The following UBE2F variants were observed in gnomAD, a reference collection of about 807,000 sequenced individuals.
UBE2F encodes ubiquitin conjugating enzyme E2 F (putative).
In UBE2F, 5 loss-of-function variants were observed where a neutral mutation model predicts 29.6. The observed-to-expected ratio is 0.17, with a 90% confidence interval of 0.09 to 0.36. The LOEUF is 0.36. Ranked by LOEUF, UBE2F falls within the 10% of genes least tolerant of loss-of-function variation. The probability of loss-of-function intolerance (pLI) is 1.00; values close to 1 mark genes in which losing one functional copy is unlikely to be tolerated. For missense variants in UBE2F, 141 were observed against 228.5 expected (o/e 0.62, Z 2.47); for synonymous variants, 66 against 81.8 (o/e 0.81, Z 1.04).
intron 3 of UBE2F, among the ~76,000 whole-genome samples, chr2:237,993,959 A>T (rs2063639473): frequency 6.6e-6 from 1 of 152,158 alleles, no homozygotes; most frequent in African/African-American, 2.4e-5. Flanking sequence ...GAACATTGCC[A>T]TCTGGGTCAG....
At chr2:238,016,446 G>A in intron 4 of UBE2F, 120 bp from the exon 5 acceptor site, 2 of 791,880 alleles carry the variant, frequency 2.5e-6, no homozygotes, top group Non-Finnish European at 4.0e-6. Flanking sequence ...GAACTCTGCA[G>A]GCCTGTTTTT....
At chr2:237,973,414 A>G (rs2063213704) in intron 2 of UBE2F, among the ~76,000 whole-genome samples, 189 bp downstream of exon 2, 1 of 152,248 alleles carries the variant, frequency 6.6e-6, no homozygotes, top group Non-Finnish European at 1.5e-5. Flanking sequence ...ACACTGTTGC[A>G]AGGAGATGGT....
intron 8 of UBE2F, 170 bp downstream of exon 8, chr2:238,032,424 G>C: frequency 1.7e-6 from 1 of 591,488 alleles, no homozygotes; most frequent in East Asian, 2.8e-5. Context: ...CCCCACTTGA[G>C]TCCAGGAGGC....
intron 2 of UBE2F, 83 bp downstream of exon 2, chr2:237,973,308 CCTA>C (rs1439979818): frequency 4.9e-6 from 7 of 1,434,176 alleles, no homozygotes; most frequent in Middle Eastern, 2.0e-4. Context: ...TATAAAGCAA[CCTA>C]CTGCTGAATA....
chr2:238,036,419 A>G (rs1393592767), intron 9 of UBE2F, among the ~76,000 whole-genome samples: 3 of 152,106 alleles, frequency 2.0e-5, no homozygotes, highest in African/African-American at 4.8e-5. Context: ...GCCTCAAGCA[A>G]TCCTCCTGCC....
chr2:238,025,031 G>A (rs1024997205), intron 5 of UBE2F, among the ~76,000 whole-genome samples: 2 of 152,200 alleles, frequency 1.3e-5, no homozygotes, highest in Non-Finnish European at 2.9e-5. Flanking sequence ...CAGGGGGTGT[G>A]GGAGGTGACA....
chr2:238,012,044 A>G (rs1384301994), intron 4 of UBE2F, among the ~76,000 whole-genome samples: 1 of 131,514 alleles, frequency 7.6e-6, no homozygotes, highest in Non-Finnish European at 1.6e-5. Context: ...ACACCTGGCA[A>G]TTTTTTTTTT....
chr2:238,028,424 T>C (rs947613434), intron 6 of UBE2F, among the ~76,000 whole-genome samples: 1 of 152,380 alleles, frequency 6.6e-6, no homozygotes, highest in African/African-American at 2.4e-5. Flanking sequence ...AACTGAAGGT[T>C]GCATTAAGAT....
rs1576648601 is a variant in UBE2F, at chr2:238,040,290, G to A, written c.508-998G>A. Among the ~76,000 whole-genome samples, 1 of 152,238 alleles carries A rather than the reference G, an allele frequency of 6.6e-6. No homozygotes were observed. The highest frequency in any genetic ancestry group is 6.5e-5 in the Admixed American group (1 of 15,280). ...TGCAAGAGGGCATCGCGGCAGCAGCGAGGTATACATCGAGTGCCAGGTTAT... is the reference window on the plus strand; with the variant it reads ...TGCAAGAGGGCATCGCGGCAGCAGCAAGGTATACATCGAGTGCCAGGTTAT... On this transcript the variant is annotated intron_variant, in intron 9 of 9. Transcript: ENST00000272930. The surrounding 1 kb of genome is among the most constrained non-coding windows in gnomAD (Gnocchi z 4.4).
chr2:238,028,791 C>A (rs2064496332), intron 6 of UBE2F, among the ~76,000 whole-genome samples: 1 of 151,908 alleles, frequency 6.6e-6, no homozygotes. Context: ...TGCTCTAATT[C>A]AAAAAAGTTT....
chr2:237,971,416 G>A (rs988289396), intron 1 of UBE2F, among the ~76,000 whole-genome samples: 13 of 152,220 alleles, frequency 8.5e-5, no homozygotes, highest in Admixed American at 1.3e-4. Context: ...TCTGCCTCCC[G>A]GCTTCAAGTG....
At chr2:238,006,962 G>T (rs911897815) in intron 4 of UBE2F, among the ~76,000 whole-genome samples, 2 of 151,996 alleles carry the variant, frequency 1.3e-5, no homozygotes, top group Non-Finnish European at 2.9e-5. Context: ...CACCATGTTG[G>T]TCAGGCTGGT....
chr2:237,968,014 C>T (rs575174789), intron 1 of UBE2F, among the ~76,000 whole-genome samples: 2 of 152,176 alleles, frequency 1.3e-5, no homozygotes, highest in African/African-American at 4.8e-5. Context: ...GAATCTTCCC[C>T]TTAAGGAAGG....
At chr2:237,973,046 C>A in intron 1 of UBE2F, 46 bp from the exon 2 acceptor site, 1 of 1,539,370 alleles carries the variant, frequency 6.5e-7, no homozygotes, top group South Asian at 1.2e-5. Flanking sequence ...TCTAATTAGT[C>A]TCTGGAGACC....
At chr2:237,981,340 G>A (rs1162000491) in intron 2 of UBE2F, among the ~76,000 whole-genome samples, 2 of 152,086 alleles carry the variant, frequency 1.3e-5, no homozygotes, top group African/African-American at 4.8e-5. Context: ...TACCATTTGT[G>A]ACAACTCCCT....
At chr2:238,014,991 A>C (rs1185425476) in intron 4 of UBE2F, among the ~76,000 whole-genome samples, 1 of 152,244 alleles carries the variant, frequency 6.6e-6, no homozygotes, top group Non-Finnish European at 1.5e-5. Flanking sequence ...GGAAGGCTAG[A>C]ATAATAAACG....
At chr2:238,037,895 G>A (rs566602014) in intron 9 of UBE2F, among the ~76,000 whole-genome samples, 3 of 152,316 alleles carry the variant, frequency 2.0e-5, no homozygotes, top group Admixed American at 6.5e-5. Context: ...CCGACCTGAT[G>A]TAGCTTTGAA....
intron 6 of UBE2F, among the ~76,000 whole-genome samples, 163 bp from the exon 7 acceptor site, chr2:238,030,393 G>A (rs1280095230): frequency 1.3e-5 from 2 of 152,102 alleles, no homozygotes; most frequent in Non-Finnish European, 2.9e-5. Context: ...CTTGGAGGTG[G>A]AAATGCCTTC....
At chr2:237,987,902 A>G in intron 2 of UBE2F, 61 bp from the exon 3 acceptor site, 1 of 919,120 alleles carries the variant, frequency 1.1e-6, no homozygotes, top group Non-Finnish European at 1.7e-6. Flanking sequence ...GCCAATTTAG[A>G]ACTGGTGATT....
Sources: allele counts gnomAD v4.1 joint callset (sites outside exome capture counted in the v4.1 genomes callset), GRCh38; gene constraint gnomAD v4.1.1; non-coding constraint Gnocchi (gnomAD v3.1); transcripts MANE v1.5; gene names NCBI Gene and HGNC (gene_info 2026-07-23, HGNC 2026-07-21).